Variants in SH2D4B observed in about 807,000 individuals in gnomAD.
SH2D4B encodes the protein SH2 domain-containing protein 4B.
A neutral mutation model predicts 61.5 loss-of-function variants in SH2D4B; 45 were observed. That is an observed-to-expected ratio of 0.73 (90% CI 0.58 to 0.94). The LOEUF (loss-of-function observed/expected upper bound fraction) is 0.94. Ranked by LOEUF, SH2D4B falls within the 40% of genes least tolerant of loss-of-function variation. The probability of loss-of-function intolerance (pLI) is 0.00; values close to 1 mark genes in which losing one functional copy is unlikely to be tolerated. For synonymous variants in SH2D4B, 224 were observed against 220.4 expected (o/e 1.02, Z -0.14); for missense variants, 572 against 574.2 (o/e 1.00, Z 0.04).
intron 1 of SH2D4B, among the ~76,000 whole-genome samples, chr10:80,562,636 A>C (rs1241448187): frequency 6.6e-6 from 1 of 152,190 alleles, no homozygotes; most frequent in Non-Finnish European, 1.5e-5. Context: ...CTGGATATTT[A>C]TCCAGTAGTG....
At chr10:80,554,965 CGCCACTGCACTCCA>C (rs1240330355) in intron 1 of SH2D4B, among the ~76,000 whole-genome samples, 11 of 139,424 alleles carry the variant, frequency 7.9e-5, no homozygotes, top group Non-Finnish European at 1.5e-4. Flanking sequence ...GCCGAGATTG[CGCCACTGCACTCCA>C]GCCTGGGCGA....
intron 1 of SH2D4B, among the ~76,000 whole-genome samples, chr10:80,553,876 G>T (rs1841793015): frequency 6.6e-6 from 1 of 152,088 alleles, no homozygotes; most frequent in South Asian, 2.1e-4. Context: ...TTCCAATTTT[G>T]GCTACCCACT....
At chr10:80,610,913 G>A (rs1842589567) in intron 6 of SH2D4B, among the ~76,000 whole-genome samples, 1 of 152,154 alleles carries the variant, frequency 6.6e-6, no homozygotes, top group Non-Finnish European at 1.5e-5. Flanking sequence ...GCTCACGCCT[G>A]TAATCCTAGC....
intron 6 of SH2D4B, among the ~76,000 whole-genome samples, chr10:80,610,908 C>T (rs1462467736): frequency 2.0e-5 from 3 of 152,244 alleles, no homozygotes; most frequent in East Asian, 1.9e-4. Context: ...CAGTGGCTCA[C>T]GCCTGTAATC....
At chr10:80,572,961 TA>T (rs1842069913) in intron 3 of SH2D4B, among the ~76,000 whole-genome samples, 2 of 6,882 alleles carry the variant, frequency 2.9e-4, no homozygotes, top group African/African-American at 1.4e-3. Flanking sequence ...TATATATATA[TA>T]TATATATATA....
intron 1 of SH2D4B, among the ~76,000 whole-genome samples, chr10:80,561,798 G>A (rs1841905270): frequency 6.6e-6 from 1 of 152,096 alleles, no homozygotes; most frequent in Non-Finnish European, 1.5e-5. Flanking sequence ...ACTTGTTTGA[G>A]TTTTGATGTA....
chr10:80,566,765 T>C (rs2132115613), intron 1 of SH2D4B, among the ~76,000 whole-genome samples: 1 of 152,320 alleles, frequency 6.6e-6, no homozygotes, highest in Non-Finnish European at 1.5e-5. Flanking sequence ...TTTTTGCTGC[T>C]TTATCTTTTC....
At chr10:80,581,877 G>A (rs1305408297) in intron 3 of SH2D4B, among the ~76,000 whole-genome samples, 1 of 152,124 alleles carries the variant, frequency 6.6e-6, no homozygotes, top group African/African-American at 2.4e-5. Context: ...GGTCAGGGGT[G>A]GGTCCTTTGG....
At chr10:80,546,016 TTCTTTC>T in intron 1 of SH2D4B, among the ~76,000 whole-genome samples, 1 of 150,056 alleles carries the variant, frequency 6.7e-6, no homozygotes, top group East Asian at 1.9e-4. Flanking sequence ...CTCTCTTTCT[TTCTTTC>T]TCTTTCTTTC....
At chr10:80,572,095 C>T (rs1169725809) in intron 3 of SH2D4B, among the ~76,000 whole-genome samples, 1 of 152,052 alleles carries the variant, frequency 6.6e-6, no homozygotes, top group Non-Finnish European at 1.5e-5. Context: ...TCTTATTTTA[C>T]AGATGAGGAA....
At chr10:80,572,964 ATATATATATATATATATATATATTTTTTT>A (rs1215169002) in intron 3 of SH2D4B, among the ~76,000 whole-genome samples, 1 of 6,320 alleles carries the variant, frequency 1.6e-4, no homozygotes, top group African/African-American at 7.7e-4. Context: ...ATATATATAT[ATATATATATATATATATATATATTTTTTT>A]TTTTTTTTTT....
chr10:80,599,701 T>C (rs1032649038), intron 4 of SH2D4B, among the ~76,000 whole-genome samples: 1 of 152,152 alleles, frequency 6.6e-6, no homozygotes, highest in Non-Finnish European at 1.5e-5. Flanking sequence ...GAGAGCCCTT[T>C]CCCTTGGCCC....
At chr10:80,600,938 C>G (rs1057203688) in intron 4 of SH2D4B, among the ~76,000 whole-genome samples, 1 of 152,174 alleles carries the variant, frequency 6.6e-6, no homozygotes, top group Admixed American at 6.5e-5. Flanking sequence ...CAAAGCCCAT[C>G]CCGGGGCATC....
chr10:80,644,150 C>A lies in SH2D4B; in HGVS notation c.*65C>A. On this transcript the variant is annotated 3_prime_UTR_variant, in exon 8 of 8. Transcript: ENST00000646907. ...TTTTGAACTCAGCTTAAGAACTTCT[C>A]ATCTCAAATCCTATGGCCTTCTGGA... 7.7e-7 allele frequency: 1 copy of A among 1,299,930 alleles called. No homozygotes were observed. The highest frequency in any genetic ancestry group is 1.1e-6 in the Non-Finnish European group (1 of 904,560). 80.5% of individuals were successfully genotyped at this position (1,299,930 alleles called of 1,614,324 possible).
Position 80,538,253 on chromosome 10 carries a change from G to A in SH2D4B, c.-79G>A. The A allele has an allele frequency of 2.5e-6, 3 of 1,206,254 alleles. No homozygotes were observed. Among genetic ancestry groups the A allele is most frequent in the Non-Finnish European group, 3.2e-6 (3 of 937,666 alleles). 74.7% of individuals were successfully genotyped at this position (1,206,254 alleles called of 1,614,324 possible). A position where few individuals can be genotyped will look rare whatever the true frequency, so the allele number is the denominator to read the frequency against. ...CCCGGATTGAGCAGTCCGTAGTGCAGAGCAGCCCCTCGGGCGTTCTGCCTG... is the reference window on the plus strand; with the variant it reads ...CCCGGATTGAGCAGTCCGTAGTGCAAAGCAGCCCCTCGGGCGTTCTGCCTG... On this transcript the variant is annotated 5_prime_UTR_variant, in exon 1 of 8. Transcript: ENST00000646907. This position sits in a 1 kb window ranked among gnomAD's most constrained non-coding sequence, Gnocchi z 4.8.
At chr10:80,601,501 A>G (rs60089690) in intron 4 of SH2D4B, among the ~76,000 whole-genome samples, 17,700 of 152,274 alleles carry the variant, frequency 0.12, 1,209 homozygotes, top group East Asian at 0.25. Flanking sequence ...ATTGAGTCCA[A>G]TCAGTCATAC....
intron 1 of SH2D4B, among the ~76,000 whole-genome samples, chr10:80,569,005 T>C (rs188347149): frequency 6.6e-6 from 1 of 152,394 alleles, no homozygotes; most frequent in African/African-American, 2.4e-5. Context: ...ACCCAACTGC[T>C]AAGGCAGTAA....
chr10:80,538,084 T>C lies in SH2D4B; in HGVS notation c.-248T>C. The C allele has an allele frequency of 3.8e-6, 1 of 259,990 alleles. No individual in the cohort carries two copies. Among genetic ancestry groups the C allele is most frequent in the East Asian group, 6.7e-5 (1 of 14,956 alleles). 16.1% of individuals were successfully genotyped at this position (259,990 alleles called of 1,614,324 possible). The stretch of plus-strand genomic sequence containing the variant: ...GGACTAGATTGCTCCTGGTGGTTGC[T>C]CCCCCTTGCAGAGTCCCACCTGCCC... On this transcript the variant is annotated 5_prime_UTR_variant, in exon 1 of 8. Transcript: ENST00000646907. This position sits in a 1 kb window ranked among gnomAD's most constrained non-coding sequence, Gnocchi z 4.8.
Position 80,547,601 on chromosome 10 carries a change from C to G in SH2D4B, c.184+9086C>G, listed in dbSNP as rs139033783. On this transcript the variant is annotated intron_variant, in intron 1 of 7. Transcript: ENST00000646907. Reference sequence around the variant, plus strand: ...GGGTTAGGGAGGTGACTGACAGAATCTCCTCCCTGGTGTCTCTTCGTGATG... The same window carrying G: ...GGGTTAGGGAGGTGACTGACAGAATGTCCTCCCTGGTGTCTCTTCGTGATG... 1.9e-3 allele frequency among the ~76,000 whole-genome samples: 293 copies of G among 152,298 alleles called. 2 individuals carry two copies. Among genetic ancestry groups the G allele is most frequent in the African/African-American group, 6.5e-3 (272 of 41,564 alleles).
Sources: allele counts gnomAD v4.1 joint callset (sites outside exome capture counted in the v4.1 genomes callset), GRCh38; gene constraint gnomAD v4.1.1; non-coding constraint Gnocchi (gnomAD v3.1); transcripts MANE v1.5; gene names NCBI Gene and HGNC (gene_info 2026-07-23, HGNC 2026-07-21).